Variants in CSMD1 observed in about 807,000 individuals in gnomAD.
CSMD1 encodes the protein CUB and sushi domain-containing protein 1.
A neutral mutation model predicts 417.5 loss-of-function variants in CSMD1; 213 were observed. The observed-to-expected ratio is 0.51, with a 90% CI of 0.46 to 0.57. The LOEUF (loss-of-function observed/expected upper bound fraction) is 0.57, where lower values mean the gene tolerates loss of function less well. Among genes scored for constraint, CSMD1 ranks in the 20% least tolerant of loss-of-function variants. The probability of loss-of-function intolerance (pLI) is 0.00; values close to 1 mark genes in which losing one functional copy is unlikely to be tolerated. For missense variants in CSMD1, 6,923 were observed against 4,529.7 expected, an observed-to-expected ratio of 1.53 and a Z score of -15.17; for synonymous variants, 2,862 against 1,736.8, an observed-to-expected ratio of 1.65 and a Z score of -16.11.
chr8:4,176,403 T>C (rs944674361), intron 3 of CSMD1, among the ~76,000 whole-genome samples: 1 of 152,158 alleles, frequency 6.6e-6, no homozygotes, highest in African/African-American at 2.4e-5. Context: ...TTTTTCCCTT[T>C]TCTCTTATTT....
intron 3 of CSMD1, among the ~76,000 whole-genome samples, chr8:4,321,351 C>G (rs188820658): frequency 6.6e-6 from 1 of 152,074 alleles, no homozygotes; most frequent in Non-Finnish European, 1.5e-5. Context: ...TCTCCTCTCC[C>G]GCGCTGGCAG....
chr8:4,673,852 G>A (rs1185058155), intron 1 of CSMD1, among the ~76,000 whole-genome samples: 2 of 152,108 alleles, frequency 1.3e-5, no homozygotes, highest in African/African-American at 2.4e-5. Context: ...GCCAGGGACT[G>A]CCCGTGATGG....
Position 4,369,410 on chromosome 8 carries a change from A to G in CSMD1, c.415+50543T>C, listed in dbSNP as rs560898682. Reference sequence around the variant, plus strand: ...TGCCATGTGCAGGTAAGAAGAAAGTATATTCTATCACTGTTGGGTGGAGTG... The same window carrying G: ...TGCCATGTGCAGGTAAGAAGAAAGTGTATTCTATCACTGTTGGGTGGAGTG... On this transcript the variant is annotated intron_variant, in intron 3 of 69. Transcript: ENST00000635120. 1.9e-3 allele frequency among the ~76,000 whole-genome samples: 284 copies of G among 152,286 alleles called. 2 individuals carry two copies. The highest frequency in any genetic ancestry group is 6.5e-3 in the African/African-American group (270 of 41,582).
intron 1 of CSMD1, among the ~76,000 whole-genome samples, chr8:4,739,196 T>C (rs914696906): frequency 6.6e-6 from 1 of 152,252 alleles, no homozygotes; most frequent in Non-Finnish European, 1.5e-5. Context: ...ATTTGTTCAA[T>C]AATTCTATCT....
At chr8:4,156,060 A>C (rs1324315486) in intron 3 of CSMD1, among the ~76,000 whole-genome samples, 1 of 152,118 alleles carries the variant, frequency 6.6e-6, no homozygotes, top group Non-Finnish European at 1.5e-5. Context: ...ATTCCTACAG[A>C]AATGGAATTG....
intron 1 of CSMD1, among the ~76,000 whole-genome samples, chr8:4,644,452 G>C (rs1016847270): frequency 6.6e-6 from 1 of 152,028 alleles, no homozygotes; most frequent in Non-Finnish European, 1.5e-5. Context: ...CTGTCACCAG[G>C]CTAGAGTGCA....
intron 3 of CSMD1, among the ~76,000 whole-genome samples, chr8:4,345,035 T>C (rs1346331482): frequency 2.0e-5 from 3 of 152,034 alleles, no homozygotes; most frequent in East Asian, 3.9e-4. Context: ...CACCATAACA[T>C]CAAGCTCAGA....
In CSMD1 at chr8:3,607,619, A is replaced by C. The variant is rs1280815051; in HGVS notation, c.1097+9091T>G. Among the ~76,000 whole-genome samples, 4 of 152,214 alleles carry C rather than the reference A, an allele frequency of 2.6e-5. No homozygotes were observed. In the East Asian group the frequency reaches 7.7e-4, roughly 29 times the overall value. On this transcript the variant is annotated intron_variant, in intron 8 of 69. Coordinates refer to ENST00000635120, the MANE Select transcript of CSMD1 (RefSeq NM_033225.6). ...GCAATGGAAATCTTTCAGCTCCATT[A>C]AAATCTTAAGGGAAAACCATCATAT...
chr8:4,708,160 G>A (rs376811915), intron 1 of CSMD1, among the ~76,000 whole-genome samples: 6 of 151,928 alleles, frequency 3.9e-5, no homozygotes, highest in African/African-American at 1.4e-4. Context: ...TTGCTATGTC[G>A]ACCAGGCTGG....
At chr8:3,448,610 G>C (rs1221081943) in intron 12 of CSMD1, among the ~76,000 whole-genome samples, 1 of 152,072 alleles carries the variant, frequency 6.6e-6, no homozygotes, top group Non-Finnish European at 1.5e-5. Flanking sequence ...AGGACCACAT[G>C]CCATGCAAAG....
chr8:3,207,949 T>C (rs1797397922), intron 30 of CSMD1, among the ~76,000 whole-genome samples: 1 of 152,182 alleles, frequency 6.6e-6, no homozygotes, highest in African/African-American at 2.4e-5. Context: ...AATGCTGGCA[T>C]CACTCACTCT....
At chr8:4,333,662 T>G (rs1364941179) in intron 3 of CSMD1, among the ~76,000 whole-genome samples, 2 of 152,120 alleles carry the variant, frequency 1.3e-5, no homozygotes, top group Non-Finnish European at 2.9e-5. Context: ...AACACATCAT[T>G]TTATAAGTGC....
intron 1 of CSMD1, among the ~76,000 whole-genome samples, chr8:4,940,098 C>T (rs1013708950): frequency 6.6e-6 from 1 of 152,060 alleles, no homozygotes; most frequent in Non-Finnish European, 1.5e-5. Context: ...TGTGAACTAC[C>T]GGGGGCTGCT....
At position 4,790,816 on chromosome 8, in the gene CSMD1, A is replaced by G. The variant is rs968038878; in HGVS notation, c.86-153258T>C. ...CAAAACTAAATTCCTACCTTTCACC[A>G]TATAAGAAAATCAACACAACATGAA... On this transcript the variant is annotated intron_variant, in intron 1 of 69. Coordinates refer to ENST00000635120, the MANE Select transcript of CSMD1 (RefSeq NM_033225.6). Among the ~76,000 whole-genome samples, 4 of 152,200 alleles carry G rather than the reference A, an allele frequency of 2.6e-5. 1 individual carries two copies. The highest frequency in any genetic ancestry group is 9.7e-5 in the African/African-American group (4 of 41,444).
At chr8:4,467,091 T>G (rs555225539) in intron 2 of CSMD1, among the ~76,000 whole-genome samples, 1 of 143,342 alleles carries the variant, frequency 7.0e-6, no homozygotes, top group South Asian at 2.2e-4. Context: ...TTTTCAAATT[T>G]CAACTTAGTC....
chr8:4,732,771 T>G (rs1252079914), intron 1 of CSMD1, among the ~76,000 whole-genome samples: 1 of 152,216 alleles, frequency 6.6e-6, no homozygotes, highest in Non-Finnish European at 1.5e-5. Flanking sequence ...TTTATAGCTC[T>G]AATTGTGCCC....
intron 54 of CSMD1, among the ~76,000 whole-genome samples, chr8:2,981,181 G>A (rs1442182249): frequency 6.6e-6 from 1 of 152,200 alleles, no homozygotes; most frequent in Non-Finnish European, 1.5e-5. Context: ...TTGCAAATGG[G>A]TGTGTTTTAC....
At chr8:3,668,423 G>C (rs1379476412) in intron 7 of CSMD1, among the ~76,000 whole-genome samples, 1 of 152,172 alleles carries the variant, frequency 6.6e-6, no homozygotes, top group Non-Finnish European at 1.5e-5. Flanking sequence ...GGTAGCTACA[G>C]TGTAAGCTGA....
chr8:3,248,134 C>T (rs1585787332), intron 26 of CSMD1, among the ~76,000 whole-genome samples: 2 of 151,950 alleles, frequency 1.3e-5, no homozygotes, highest in Admixed American at 6.6e-5. Context: ...TTGAGACCAG[C>T]CTGGGCAAAA....
Sources: allele counts gnomAD v4.1 joint callset (sites outside exome capture counted in the v4.1 genomes callset), GRCh38; gene constraint gnomAD v4.1.1; transcripts MANE v1.5; gene names NCBI Gene and HGNC (gene_info 2026-07-23, HGNC 2026-07-21).